KLHL2: variants seen among roughly 807,000 people sequenced by gnomAD.
KLHL2 encodes the protein kelch like family member 2.
Under a neutral mutation model 75.8 loss-of-function variants are expected in KLHL2, and 15 were observed. The ratio of observed to expected loss-of-function variants is 0.20; its 90% CI spans 0.13 to 0.30. The LOEUF is 0.30. Ranked by LOEUF, KLHL2 falls within the 10% of genes least tolerant of loss-of-function variation. The pLI is 1.00. For synonymous variants in KLHL2, 214 were observed against 251.9 expected, an observed-to-expected ratio of 0.85 and a Z score of 1.42; for missense variants, 381 against 741.0, an observed-to-expected ratio of 0.51 and a Z score of 5.64.
intron 5 of KLHL2, among the ~76,000 whole-genome samples, chr4:165,290,229 A>G (rs1295588746): frequency 2.0e-5 from 3 of 151,368 alleles, no homozygotes; most frequent in Non-Finnish European, 4.4e-5. Context: ...TGTAGCCTTG[A>G]CCTCCTGGGC....
intron 4 of KLHL2, among the ~76,000 whole-genome samples, chr4:165,259,916 A>G (rs1250289309): frequency 6.6e-6 from 1 of 151,620 alleles, no homozygotes; most frequent in African/African-American, 2.4e-5. Flanking sequence ...AGAAGGTTTG[A>G]TTTGATTTGA....
chr4:165,309,043 G>A (rs749215592), intron 9 of KLHL2, among the ~76,000 whole-genome samples: 3 of 152,206 alleles, frequency 2.0e-5, no homozygotes, highest in African/African-American at 4.8e-5. Context: ...CATTGAGCTC[G>A]TCAAACATAT....
intron 4 of KLHL2, among the ~76,000 whole-genome samples, chr4:165,242,108 T>G (rs1387164577): frequency 3.4e-5 from 4 of 119,344 alleles, no homozygotes; most frequent in African/African-American, 2.0e-4. Flanking sequence ...AATTTACAGG[T>G]TTTTTTTTAA....
At chr4:165,219,451 C>G (rs1276048954) in intron 1 of KLHL2, among the ~76,000 whole-genome samples, 2 of 152,242 alleles carry the variant, frequency 1.3e-5, no homozygotes, top group African/African-American at 4.8e-5. Context: ...CGATTAATCT[C>G]TTGTTAGTAT....
At chr4:165,279,446 C>T in intron 5 of KLHL2, 1 of 1,600,522 alleles carries the variant, frequency 6.2e-7, no homozygotes, top group Non-Finnish European at 8.6e-7. Context: ...TTTCTCTATA[C>T]ACTCATAGAC....
chr4:165,301,918 G>A (rs1745380135), intron 8 of KLHL2, among the ~76,000 whole-genome samples: 3 of 152,060 alleles, frequency 2.0e-5, no homozygotes, highest in Non-Finnish European at 2.9e-5. Context: ...TTGAAACCTA[G>A]AGTTCTCGGT....
chr4:165,236,113 A>G lies in KLHL2; in HGVS notation c.260-2665A>G, dbSNP rs191176087. 3.8e-3 allele frequency among the ~76,000 whole-genome samples: 583 copies of G among 152,256 alleles called. 2 individuals are homozygous for G. Among genetic ancestry groups the G allele is most frequent in the South Asian group, 0.02 (98 of 4,822 alleles). ...CAATGGTGAGAAGGTGAGAAGATTTATTTGAGATCTATCCAAGGTTAGTTC... is the reference window on the plus strand; with the variant it reads ...CAATGGTGAGAAGGTGAGAAGATTTGTTTGAGATCTATCCAAGGTTAGTTC... On this transcript the variant is annotated intron_variant, in intron 3 of 14. Transcript: ENST00000226725.
chr4:165,314,322 G>A (rs886904575), intron 13 of KLHL2, among the ~76,000 whole-genome samples, 156 bp downstream of exon 13: 1 of 152,134 alleles, frequency 6.6e-6, no homozygotes, highest in African/African-American at 2.4e-5. Flanking sequence ...AGAAACTTAT[G>A]TAATAATCCT....
At chr4:165,262,674 G>A (rs1416768846) in intron 4 of KLHL2, among the ~76,000 whole-genome samples, 2 of 152,046 alleles carry the variant, frequency 1.3e-5, no homozygotes, top group East Asian at 1.9e-4. Flanking sequence ...GACCTCTCAG[G>A]CTCAAGTGAT....
Position 165,237,708 on chromosome 4 carries a change from G to A in KLHL2, c.260-1070G>A, listed in dbSNP as rs1470065351. ...TGTTATGGTTTAATAAGAGATGCTGGGTTAAAGTGAAGGTGATGAATAGTG... is the reference window on the plus strand; with the variant it reads ...TGTTATGGTTTAATAAGAGATGCTGAGTTAAAGTGAAGGTGATGAATAGTG... On this transcript the variant is annotated intron_variant, in intron 3 of 14. Coordinates refer to ENST00000226725, the MANE Select transcript of KLHL2 (RefSeq NM_007246.4). Among the ~76,000 whole-genome samples, 4 of 152,318 alleles carry A rather than the reference G, an allele frequency of 2.6e-5. No homozygotes were observed. In the East Asian group the frequency reaches 7.7e-4, roughly 29 times the overall value.
chr4:165,297,671 C>T lies in KLHL2; in HGVS notation c.717C>T (p.Ala239=). ...HDKDVRQEFM[A]RLMEHVRLPL... The stretch of plus-strand genomic sequence containing the variant: ...AGGATGTGAGGCAAGAGTTTATGGC[C>T]CGACTGATGGAACATGTACGGTTAC... The change falls in exon 7 of 15, where the codon GCC becomes GCT. Residue 239 remains alanine (A), a synonymous_variant. Transcript: ENST00000226725. 1 of 1,613,846 alleles carries T rather than the reference C, an allele frequency of 6.2e-7. No individual in the cohort carries two copies.
At chr4:165,239,873 A>ACATAAAAAACAG (rs1739670995) in intron 4 of KLHL2, among the ~76,000 whole-genome samples, 1 of 152,086 alleles carries the variant, frequency 6.6e-6, no homozygotes, top group East Asian at 1.9e-4. Flanking sequence ...CGTACACACA[A>ACATAAAAAACAG]TTTTTTTACA....
intron 5 of KLHL2, among the ~76,000 whole-genome samples, chr4:165,286,556 C>T (rs923260433): frequency 3.9e-5 from 6 of 152,080 alleles, no homozygotes; most frequent in African/African-American, 1.4e-4. Context: ...ATATAGAATC[C>T]TAACCAGTAG....
chr4:165,293,001 T>C (rs1250623748), intron 5 of KLHL2, among the ~76,000 whole-genome samples: 1 of 152,200 alleles, frequency 6.6e-6, no homozygotes, highest in African/African-American at 2.4e-5. Flanking sequence ...CTTATTTTTA[T>C]TATCCTCATT....
chr4:165,257,007 G>T (rs1741230604), intron 4 of KLHL2, among the ~76,000 whole-genome samples: 1 of 152,110 alleles, frequency 6.6e-6, no homozygotes, highest in Admixed American at 6.6e-5. Flanking sequence ...TGATATTATA[G>T]AATTGACTTT....
intron 7 of KLHL2, among the ~76,000 whole-genome samples, chr4:165,299,039 G>A (rs767901478): frequency 4.0e-5 from 6 of 150,124 alleles, no homozygotes; most frequent in East Asian, 2.0e-4. Flanking sequence ...TTATGGGTAC[G>A]TTGCTTTAAG....
chr4:165,233,650 T>A (rs1483181085), intron 3 of KLHL2, among the ~76,000 whole-genome samples: 1 of 152,210 alleles, frequency 6.6e-6, no homozygotes, highest in Admixed American at 6.5e-5. Flanking sequence ...TGCTAGGCAT[T>A]GTCCTAGGCT....
At chr4:165,245,244 C>G (rs1281591549) in intron 4 of KLHL2, among the ~76,000 whole-genome samples, 4 of 152,072 alleles carry the variant, frequency 2.6e-5, no homozygotes, top group African/African-American at 9.7e-5. Flanking sequence ...GGGTAGCATG[C>G]AGTCCAAACT....
intron 5 of KLHL2, among the ~76,000 whole-genome samples, chr4:165,287,454 A>G (rs1015450464): frequency 1.3e-5 from 2 of 152,192 alleles, no homozygotes; most frequent in African/African-American, 4.8e-5. Flanking sequence ...TTCTGTGAAC[A>G]TGGGTGTACA....
Sources: allele counts gnomAD v4.1 joint callset (sites outside exome capture counted in the v4.1 genomes callset), GRCh38; gene constraint gnomAD v4.1.1; transcripts MANE v1.5; gene names NCBI Gene and HGNC (gene_info 2026-07-23, HGNC 2026-07-21).